The following ARHGEF10L variants were observed in gnomAD, a reference collection of about 807,000 sequenced individuals.
ARHGEF10L encodes Rho guanine nucleotide exchange factor 10 like, also known as rho guanine nucleotide exchange factor 10-like protein.
In ARHGEF10L, 69 loss-of-function variants were observed where a neutral mutation model predicts 141.2. The ratio of observed to expected loss-of-function variants is 0.49; its 90% CI spans 0.40 to 0.60. ARHGEF10L has a LOEUF of 0.60. Among genes scored for constraint, ARHGEF10L ranks in the 20% least tolerant of loss-of-function variants. The pLI, the probability that ARHGEF10L is intolerant of heterozygous loss-of-function variation, is 0.00. For synonymous variants in ARHGEF10L, 711 were observed against 718.5 expected, an observed-to-expected ratio of 0.99 and a Z score of 0.17; for missense variants, 1,482 against 1,734.3, an observed-to-expected ratio of 0.85 and a Z score of 2.58.
upstream of ARHGEF10L, among the ~76,000 whole-genome samples, chr1:17,538,172 G>T (rs1012627734): frequency 6.6e-6 from 1 of 152,184 alleles, no homozygotes; most frequent in Non-Finnish European, 1.5e-5. Context: ...TGGCTATGAC[G>T]GCAGGACTCA....
At chr1:17,543,734 G>C (rs1178311267) in intron 1 of ARHGEF10L, among the ~76,000 whole-genome samples, 2 of 151,476 alleles carry the variant, frequency 1.3e-5, no homozygotes. Flanking sequence ...TGCAACCACC[G>C]CCCCCTGGTT....
chr1:17,579,430 G>A (rs752390660), intron 1 of ARHGEF10L, among the ~76,000 whole-genome samples: 18 of 152,180 alleles, frequency 1.2e-4, no homozygotes, highest in Non-Finnish European at 2.1e-4. Context: ...GCCTGGGTTC[G>A]AACCCTGGCT....
At chr1:17,587,305 T>C (rs2079105622) in intron 2 of ARHGEF10L, among the ~76,000 whole-genome samples, 155 bp from the exon 3 acceptor site, 1 of 152,124 alleles carries the variant, frequency 6.6e-6, no homozygotes, top group Non-Finnish European at 1.5e-5. Context: ...TTACCAGCAC[T>C]GTAGGGCCAT....
intron 9 of ARHGEF10L, among the ~76,000 whole-genome samples, chr1:17,617,349 C>A (rs1410113676): frequency 1.3e-5 from 2 of 152,224 alleles, no homozygotes; most frequent in African/African-American, 4.8e-5. Context: ...TGCCCCTGAT[C>A]CCCTGAAGCC....
chr1:17,563,703 T>C (rs553087822), intron 1 of ARHGEF10L, among the ~76,000 whole-genome samples: 184 of 152,254 alleles, frequency 1.2e-3, no homozygotes, highest in Non-Finnish European at 1.9e-3. Context: ...TGCAGATGAA[T>C]AAACTGAGGC....
In ARHGEF10L at chr1:17,696,988, G is replaced by T. The variant is rs770619112; in HGVS notation, c.3448G>T (p.Gly1150Trp). 3 of 1,611,552 alleles carry T rather than the reference G, an allele frequency of 1.9e-6. No individual in the cohort carries two copies. Among genetic ancestry groups the T allele is most frequent in the African/African-American group, 2.7e-5 (2 of 75,034 alleles). Residue 1150 changes from glycine to tryptophan, a missense_variant, in exon 29 of 29, where the codon GGG becomes TGG. By Grantham distance (184) the Gly-to-Trp change is radical (BLOSUM62 -2). Coordinates refer to ENST00000361221, the MANE Select transcript of ARHGEF10L (RefSeq NM_018125.4). ...CCGGGCTGAGGAGGACAAGCCAGAC[G>T]GGCAGGCACACGAGCCCATGCCCGA... ...GPRAEEDKPDGQAHEPMPDSH... is the reference protein window; with the variant it reads ...GPRAEEDKPDWQAHEPMPDSH...
rs376412537 is a variant in ARHGEF10L, at chr1:17,587,452, T to C, written c.38-8T>C. 6.2e-7 allele frequency: 1 copy of C among 1,610,586 alleles called. No homozygotes were observed. Among genetic ancestry groups the C allele is most frequent in the Admixed American group, 1.7e-5 (1 of 59,270 alleles). On this transcript the variant is annotated splice_polypyrimidine_tract_variant and splice_region_variant and intron_variant, in intron 2 of 28. Transcript: ENST00000361221. ...CCTGCAGCCTGGCCAACTCCTTCTC[T>C]CTTCCAGGAGATCAGCTGGTTCCAG...
rs146084681 is a variant in ARHGEF10L, at chr1:17,696,934, C to G, written c.3394C>G (p.Arg1132Gly). 4 of 1,612,406 alleles carry G rather than the reference C, an allele frequency of 2.5e-6. No individual in the cohort carries two copies. In the African/African-American group the frequency reaches 4.0e-5, roughly 16 times the overall value. Residue 1132 changes from arginine to glycine, a missense_variant, in exon 29 of 29, where the codon CGG (arginine) becomes GGG (glycine). By Grantham distance (125) the Arg-to-Gly change is moderately radical (BLOSUM62 -2). Around this residue, in one of 3 missense-constraint regions of ARHGEF10L, gnomAD observed 858 missense variants for 966.3 expected, o/e 0.89. Transcript: ENST00000361221. ...ATSILAPDIL[R>G]SDQEEAEGPR... ...CAGCATCCTGGCCCCTGACATCCTGCGGAGTGACCAGGAGGAGGCTGAGGG... is the reference window on the plus strand; with the variant it reads ...CAGCATCCTGGCCCCTGACATCCTGGGGAGTGACCAGGAGGAGGCTGAGGG...
At chr1:17,585,399 G>A (rs2078941433) in intron 2 of ARHGEF10L, among the ~76,000 whole-genome samples, 1 of 152,182 alleles carries the variant, frequency 6.6e-6, no homozygotes, top group Non-Finnish European at 1.5e-5. Context: ...GAAGCTGCCT[G>A]GGGCACAGCT....
intron 25 of ARHGEF10L, among the ~76,000 whole-genome samples, chr1:17,657,211 G>T (rs1164575291): frequency 2.6e-5 from 4 of 152,184 alleles, no homozygotes; most frequent in Non-Finnish European, 5.9e-5. Flanking sequence ...CCTAGCACAG[G>T]TTACGATGTC....
intron 6 of ARHGEF10L, among the ~76,000 whole-genome samples, chr1:17,605,549 T>C (rs891191713): frequency 6.6e-6 from 1 of 152,202 alleles, no homozygotes; most frequent in Non-Finnish European, 1.5e-5. Context: ...TATTTCTATA[T>C]GTGTAGATGG....
At chr1:17,652,448 C>T (rs1357959064) in intron 22 of ARHGEF10L, among the ~76,000 whole-genome samples, 3 of 152,154 alleles carry the variant, frequency 2.0e-5, no homozygotes, top group African/African-American at 7.2e-5. Context: ...GTCACAGCAC[C>T]TTCCTGACTG....
intron 1 of ARHGEF10L, among the ~76,000 whole-genome samples, chr1:17,555,963 G>T (rs1178696573): frequency 2.0e-5 from 3 of 151,982 alleles, no homozygotes; most frequent in Non-Finnish European, 4.4e-5. Flanking sequence ...TCCCAGGGAC[G>T]CTGGCTCACC....
At chr1:17,650,998 T>C (rs1224445437) in intron 22 of ARHGEF10L, among the ~76,000 whole-genome samples, 1 of 152,226 alleles carries the variant, frequency 6.6e-6, no homozygotes, top group Non-Finnish European at 1.5e-5. Context: ...TCTTGATACA[T>C]AAAGGGCCAG....
Position 17,664,503 on chromosome 1 carries a change from C to G in ARHGEF10L, c.2917C>G (p.Pro973Ala), listed in dbSNP as rs1311625781. Residue 973 changes from proline (P) to alanine (A), a missense_variant, in exon 26 of 29, where the codon CCT becomes GCT. Coordinates refer to ENST00000361221, the MANE Select transcript of ARHGEF10L (RefSeq NM_018125.4). Reference sequence around the variant, plus strand: ...CGTGTGCCTGACTGTGGGGCCCGGGCCTGTCCGCACCCTGTTGAGCCTGGA... The same window carrying G: ...CGTGTGCCTGACTGTGGGGCCCGGGGCTGTCCGCACCCTGTTGAGCCTGGA... The part of the protein sequence containing the change: ...PPVCLTVGPG[P>A]VRTLLSLEDA... The G allele has an allele frequency of 3.7e-6, 6 of 1,607,838 alleles. No homozygotes were observed. Among genetic ancestry groups the G allele is most frequent in the Non-Finnish European group, 5.1e-6 (6 of 1,179,646 alleles).
chr1:17,515,484 G>T, the ARHGEF10L span, among the ~76,000 whole-genome samples: 1 of 151,724 alleles, frequency 6.6e-6, no homozygotes, highest in East Asian at 1.9e-4. Flanking sequence ...ATTTTTAGTA[G>T]AGATGGGGTT....
rs550046480 is a variant in ARHGEF10L, at chr1:17,673,383, C to T, written c.3009+8788C>T. On this transcript the variant is annotated intron_variant, in intron 26 of 28. Coordinates refer to ENST00000361221, the MANE Select transcript of ARHGEF10L (RefSeq NM_018125.4). The surrounding 1 kb of genome is among the most constrained non-coding windows in gnomAD (Gnocchi z 4.1). ...GATGCCCAAGGGGCAGCTGCCCAGT[C>T]CTTTTGGAACTTGGCAAGGAACAAA... is the stretch of plus-strand genomic sequence containing the variant. 2.0e-5 allele frequency among the ~76,000 whole-genome samples: 3 copies of T among 152,120 alleles called. No individual in the cohort carries two copies. Among genetic ancestry groups the T allele is most frequent in the Non-Finnish European group, 2.9e-5 (2 of 68,020 alleles).
At chr1:17,546,869 T>A (rs1030700844) in intron 1 of ARHGEF10L, among the ~76,000 whole-genome samples, 1 of 152,150 alleles carries the variant, frequency 6.6e-6, no homozygotes, top group African/African-American at 2.4e-5. Flanking sequence ...GGCAGGCACC[T>A]TGGTAGTGCA....
At chr1:17,551,577 G>A (rs2077114341) in intron 1 of ARHGEF10L, among the ~76,000 whole-genome samples, 1 of 152,132 alleles carries the variant, frequency 6.6e-6, no homozygotes, top group African/African-American at 2.4e-5. Context: ...TCAAGCTAGG[G>A]GATGACGGGA....
Sources: gnomAD v4.1 joint callset for allele counts (sites outside exome capture counted in the v4.1 genomes callset) on GRCh38, gnomAD v4.1.1 for gene constraint, gnomAD v4.1.1 regional missense constraint, Gnocchi (gnomAD v3.1) non-coding constraint, MANE v1.5 for transcripts, NCBI Gene and HGNC (gene_info 2026-07-23, HGNC 2026-07-21) for gene names.